Variants in GRID2 observed in about 807,000 individuals in gnomAD.
The protein encoded by GRID2 is glutamate receptor ionotropic, delta-2.
GRID2 carries 33 observed loss-of-function variants against 114.8 expected under a neutral mutation model. That is an observed-to-expected ratio of 0.29 (90% CI 0.22 to 0.38). The LOEUF is 0.38. Among genes scored for constraint, GRID2 ranks in the 10% least tolerant of loss-of-function variants. The pLI is 1.00. For synonymous variants in GRID2, 505 were observed against 449.9 expected (o/e 1.12, Z -1.55); for missense variants, 1,184 against 1,257.7 (o/e 0.94, Z 0.89).
At chr4:92,923,638 C>T (rs544501386) in intron 2 of GRID2, among the ~76,000 whole-genome samples, 26 of 152,174 alleles carry the variant, frequency 1.7e-4, no homozygotes, top group African/African-American at 4.6e-4. Context: ...TAAACTGCGA[C>T]GTAACTGGGG....
intron 2 of GRID2, among the ~76,000 whole-genome samples, chr4:92,973,745 T>C (rs1753670729): frequency 6.6e-6 from 1 of 152,182 alleles, no homozygotes; most frequent in East Asian, 1.9e-4. Flanking sequence ...ATGATACTTA[T>C]TAGTAATTAT....
chr4:93,765,602 G>A (rs1733590104), intron 14 of GRID2, among the ~76,000 whole-genome samples: 1 of 97,330 alleles, frequency 1.0e-5, no homozygotes, highest in Admixed American at 1.1e-4. Context: ...TTAAATAGGT[G>A]AGGTATTATA....
chr4:93,350,238 A>G (rs913580374), intron 8 of GRID2, among the ~76,000 whole-genome samples: 2 of 152,100 alleles, frequency 1.3e-5, no homozygotes, highest in Non-Finnish European at 2.9e-5. Flanking sequence ...AGCGTTATCC[A>G]TGCAACCTTC....
chr4:92,383,292 G>A lies in GRID2; in HGVS notation c.88+78548G>A, dbSNP rs151109560. On this transcript the variant is annotated intron_variant, in intron 1 of 15. Transcript: ENST00000282020. ...TACCACATTGTTAGGGAGGACTACA[G>A]CAAAACTTGTCTAATAAACTAAATA... is the stretch of plus-strand genomic sequence containing the variant. Among the ~76,000 whole-genome samples, 249 of 151,988 alleles carry A rather than the reference G, an allele frequency of 1.6e-3. 1 individual carries two copies. Among genetic ancestry groups the A allele is most frequent in the African/African-American group, 5.7e-3 (237 of 41,466 alleles).
intron 1 of GRID2, among the ~76,000 whole-genome samples, chr4:92,527,222 TA>T (rs1242494012): frequency 6.6e-6 from 1 of 152,130 alleles, no homozygotes; most frequent in African/African-American, 2.4e-5. Context: ...AGTAAGATTT[TA>T]TAACCTCTTA....
chr4:92,865,173 C>A (rs1018939643), intron 2 of GRID2, among the ~76,000 whole-genome samples: 2 of 152,110 alleles, frequency 1.3e-5, no homozygotes, highest in African/African-American at 4.8e-5. Flanking sequence ...TTCTACAGAA[C>A]CCTAGAGCAC....
At chr4:92,594,013 C>T (rs1728833173) in intron 2 of GRID2, among the ~76,000 whole-genome samples, 1 of 151,244 alleles carries the variant, frequency 6.6e-6, no homozygotes, top group African/African-American at 2.4e-5. Flanking sequence ...TGAATATTTT[C>T]ACAATTTAGA....
chr4:93,387,395 A>C (rs766583692), intron 8 of GRID2, among the ~76,000 whole-genome samples: 27 of 152,158 alleles, frequency 1.8e-4, no homozygotes, highest in Non-Finnish European at 3.5e-4. Context: ...TTTACTATAC[A>C]GAGTTTAACC....
At chr4:93,649,825 T>C (rs1036169111) in intron 14 of GRID2, among the ~76,000 whole-genome samples, 22 of 152,234 alleles carry the variant, frequency 1.4e-4, no homozygotes, top group African/African-American at 5.1e-4. Context: ...TCGCATAACT[T>C]TATAACTCCA....
Position 93,216,852 on chromosome 4 carries a change from AAC to A in GRID2, c.905_906del (p.Asn302ThrfsTer9). On this transcript the variant is annotated frameshift_variant, in exon 6 of 16. Coordinates refer to ENST00000282020, the MANE Select transcript of GRID2 (RefSeq NM_001510.4). LOFTEE classifies it high-confidence loss of function. ...QNISQRCFRG[N>X]HRISSTLCDP... ...CATAAGTCAGCGGTGTTTCCGTGGC[AAC>A]CATCGAATATCTTCAACATTGTGTG... is the stretch of plus-strand genomic sequence containing the variant. The A allele has an allele frequency of 6.2e-7, 1 of 1,613,296 alleles. No homozygotes were observed.
intron 2 of GRID2, among the ~76,000 whole-genome samples, chr4:92,824,879 AGAAAAACTAT>A (rs1741573808): frequency 6.6e-6 from 1 of 152,172 alleles, no homozygotes; most frequent in Non-Finnish European, 1.5e-5. Context: ...ATAGGTTGTT[AGAAAAACTAT>A]TAAACACATT....
chr4:92,500,568 T>G (rs1276985198), intron 1 of GRID2, among the ~76,000 whole-genome samples: 1 of 152,166 alleles, frequency 6.6e-6, no homozygotes, highest in African/African-American at 2.4e-5. Flanking sequence ...TTTTTACTTA[T>G]TATTCCTGTC....
At chr4:92,768,964 A>C (rs2149350528) in intron 2 of GRID2, among the ~76,000 whole-genome samples, 1 of 152,198 alleles carries the variant, frequency 6.6e-6, no homozygotes, top group Middle Eastern at 3.4e-3. Flanking sequence ...ACATTTCAAA[A>C]CCAATTATGC....
chr4:93,167,262 A>G (rs780515796), intron 4 of GRID2, among the ~76,000 whole-genome samples: 1 of 152,132 alleles, frequency 6.6e-6, no homozygotes, highest in Non-Finnish European at 1.5e-5. Flanking sequence ...GAGGCACCCC[A>G]TTCCTTGTTT....
intron 1 of GRID2, among the ~76,000 whole-genome samples, chr4:92,322,440 CA>C (rs1192780855): frequency 1.3e-5 from 2 of 151,800 alleles, no homozygotes; most frequent in African/African-American, 4.8e-5. Context: ...TAGCTCTTGG[CA>C]AAGGAAAAAT....
Position 93,115,990 on chromosome 4 carries a change from A to G in GRID2, c.735+5037A>G, listed in dbSNP as rs556097903. 2.2e-3 allele frequency among the ~76,000 whole-genome samples: 330 copies of G among 152,246 alleles called. 2 individuals are homozygous for G. The highest frequency in any genetic ancestry group is 6.2e-3 in the Admixed American group (95 of 15,272). On this transcript the variant is annotated intron_variant, in intron 4 of 15. Transcript: ENST00000282020. ...TTTTGTTTTAATTTTTACTTACTCT[A>G]GTAAATATTACTGGTTGATTTATTA...
chr4:93,018,768 T>A (rs1723007909), intron 2 of GRID2, among the ~76,000 whole-genome samples: 1 of 152,172 alleles, frequency 6.6e-6, no homozygotes, highest in Admixed American at 6.5e-5. Context: ...CTTATTATTC[T>A]TTGCTTTCAT....
At chr4:93,282,141 T>C in intron 8 of GRID2, among the ~76,000 whole-genome samples, 1 of 152,208 alleles carries the variant, frequency 6.6e-6, no homozygotes, top group East Asian at 1.9e-4. Flanking sequence ...TTGATTCTAC[T>C]GTATAGAGTA....
intron 4 of GRID2, among the ~76,000 whole-genome samples, chr4:93,181,631 T>C (rs2149436139): frequency 6.6e-6 from 1 of 152,304 alleles, no homozygotes; most frequent in African/African-American, 2.4e-5. Context: ...TTGCTGTAGC[T>C]TCTACATCAG....
Sources: gnomAD v4.1 joint callset for allele counts (sites outside exome capture counted in the v4.1 genomes callset) on GRCh38, gnomAD v4.1.1 for gene constraint, MANE v1.5 for transcripts, NCBI Gene and HGNC (gene_info 2026-07-23, HGNC 2026-07-21) for gene names.